The following DNAJC21 variants were observed in gnomAD, a reference collection of about 807,000 sequenced individuals.
DNAJC21 encodes the protein DnaJ heat shock protein family (Hsp40) member C21, also known as dnaJ homolog subfamily C member 21.
Under a neutral mutation model 72.4 loss-of-function variants are expected in DNAJC21, and 63 were observed. That is an observed-to-expected ratio of 0.87 (90% CI 0.71 to 1.07). DNAJC21 has a LOEUF of 1.07. Among genes scored for constraint, DNAJC21 ranks in the 50% least tolerant of loss-of-function variants. The probability of loss-of-function intolerance (pLI) is 0.00; values close to 1 mark genes in which losing one functional copy is unlikely to be tolerated. For synonymous variants in DNAJC21, 203 were observed against 216.7 expected, an observed-to-expected ratio of 0.94 and a Z score of 0.56; for missense variants, 634 against 644.8, an observed-to-expected ratio of 0.98 and a Z score of 0.18.
chr5:34,930,813 G>C (rs750625972), intron 1 of DNAJC21, among the ~76,000 whole-genome samples: 14 of 152,158 alleles, frequency 9.2e-5, no homozygotes, highest in Non-Finnish European at 1.8e-4. Context: ...TTAGAGTCTT[G>C]TTAGGAAAAC....
intron 6 of DNAJC21, 114 bp downstream of exon 6, chr5:34,939,123 T>G: frequency 1.0e-6 from 1 of 994,830 alleles, no homozygotes; most frequent in Non-Finnish European, 1.4e-6. Flanking sequence ...AAAAATAATG[T>G]TGTATGGGCC....
At chr5:34,944,686 G>C (rs988506830) in intron 7 of DNAJC21, among the ~76,000 whole-genome samples, 181 bp from the exon 8 acceptor site, 2 of 151,820 alleles carry the variant, frequency 1.3e-5, no homozygotes, top group African/African-American at 4.8e-5. Flanking sequence ...ATCCTGACAC[G>C]TTCTGTTTCT....
chr5:34,930,724 A>G (rs1764562776), intron 1 of DNAJC21, among the ~76,000 whole-genome samples: 2 of 152,208 alleles, frequency 1.3e-5, no homozygotes, highest in African/African-American at 4.8e-5. Context: ...ATTCATCAGT[A>G]AACACGGTTA....
chr5:34,932,376 G>A (rs1376408539), intron 1 of DNAJC21, among the ~76,000 whole-genome samples: 2 of 148,566 alleles, frequency 1.3e-5, no homozygotes, highest in Non-Finnish European at 3.0e-5. Context: ...AGCCAAGATC[G>A]CGCCACTGCA....
At position 34,945,807 on chromosome 5, in the gene DNAJC21, T is replaced by C; in HGVS notation, c.1185+4T>C. 1 of 1,577,872 alleles carries C rather than the reference T, an allele frequency of 6.3e-7. No homozygotes were observed. Among genetic ancestry groups the C allele is most frequent in the South Asian group, 1.2e-5 (1 of 84,608 alleles). ...AAAGAAACAGAAACCAGCACAGGTA[T>C]GTTAGAAAGGTTTTGTTAACATTAA... is the stretch of plus-strand genomic sequence containing the variant. On this transcript the variant is annotated splice_donor_region_variant and intron_variant, in intron 9 of 11. Coordinates refer to ENST00000648817, the MANE Select transcript of DNAJC21 (RefSeq NM_001012339.3).
chr5:34,937,471 C>G lies in DNAJC21; in HGVS notation c.584C>G (p.Ala195Gly). The G allele has an allele frequency of 6.2e-7, 1 of 1,614,064 alleles. No individual in the cohort carries two copies. Among genetic ancestry groups the G allele is most frequent in the South Asian group, 1.1e-5 (1 of 91,084 alleles). Residue 195 changes from alanine to glycine, a missense_variant, in exon 5 of 12, where the codon GCA becomes GGA. Coordinates refer to ENST00000648817, the MANE Select transcript of DNAJC21 (RefSeq NM_001012339.3). ...EKENKKIRDK[A>G]RKEKNELVRQ... ...GAAAACAAAAAGATTCGGGACAAAG[C>G]AAGGAAAGAGAAGAATGAGCTTGTC... is the stretch of plus-strand genomic sequence containing the variant.
intron 1 of DNAJC21, 75 bp from the exon 2 acceptor site, chr5:34,933,740 T>C: frequency 8.1e-7 from 1 of 1,242,226 alleles, no homozygotes; most frequent in Non-Finnish European, 1.1e-6. Flanking sequence ...TTTGTGGCAT[T>C]TCTGATGGAA....
chr5:34,951,094 T>C (rs931498271), intron 10 of DNAJC21: 89 of 985,380 alleles, frequency 9.0e-5, no homozygotes, highest in Non-Finnish European at 1.1e-4. Context: ...GGAGTGTGTG[T>C]ACTTCGGAGT....
intron 10 of DNAJC21, chr5:34,952,258 A>G (rs1580542429): frequency 1.0e-6 from 1 of 983,068 alleles, no homozygotes; most frequent in South Asian, 4.7e-5. Flanking sequence ...TTTGTTAGAC[A>G]TATTTCTGAC....
At chr5:34,950,604 A>C (rs551658565) in intron 10 of DNAJC21, 1 of 1,087,268 alleles carries the variant, frequency 9.2e-7, no homozygotes. Context: ...GTTCTTGTTT[A>C]CCTTATCCTG....
chr5:34,947,437 A>T (rs1373559370), intron 9 of DNAJC21, among the ~76,000 whole-genome samples: 1 of 152,178 alleles, frequency 6.6e-6, no homozygotes, highest in Non-Finnish European at 1.5e-5. Flanking sequence ...GAAATGTTGA[A>T]GTATCACGTA....
At chr5:34,931,275 C>T (rs1289715828) in intron 1 of DNAJC21, among the ~76,000 whole-genome samples, 1 of 152,138 alleles carries the variant, frequency 6.6e-6, no homozygotes, top group Non-Finnish European at 1.5e-5. Flanking sequence ...ATTAGAAGAG[C>T]AGAAGTAAAT....
chr5:34,935,664 TCTTA>T (rs752481118), intron 2 of DNAJC21, 42 bp from the exon 3 acceptor site: 122 of 1,608,266 alleles, frequency 7.6e-5, no homozygotes, highest in Non-Finnish European at 8.9e-5. Flanking sequence ...CCTTTTGAAT[TCTTA>T]CTTATTCAGC....
chr5:34,938,688 C>T (rs1230355387), intron 5 of DNAJC21, among the ~76,000 whole-genome samples, 170 bp from the exon 6 acceptor site: 1 of 152,168 alleles, frequency 6.6e-6, no homozygotes, highest in Non-Finnish European at 1.5e-5. Context: ...CAACAGGTAA[C>T]AGGTTTAAGT....
At position 34,941,116 on chromosome 5, in the gene DNAJC21, G is replaced by A. The variant is rs754428815; in HGVS notation, c.916G>A (p.Glu306Lys). The A allele has an allele frequency of 2.3e-5, 37 of 1,613,964 alleles. No homozygotes were observed. Among genetic ancestry groups the A allele is most frequent in the Admixed American group, 1.8e-4 (11 of 60,002 alleles). Residue 306 changes from glutamate (E) to lysine (K), a missense_variant, in exon 7 of 12, where the codon GAG (glutamate) becomes AAG (lysine). Coordinates refer to ENST00000648817, the MANE Select transcript of DNAJC21 (RefSeq NM_001012339.3). ...EEDGKDSDEA[E>K]DAELYDDLYC... ...CATAGGTAAAGACAGTGATGAGGCC[G>A]AGGACGCTGAGCTCTATGATGACCT...
chr5:34,935,934 A>G, intron 3 of DNAJC21, 101 bp downstream of exon 3: 1 of 1,522,574 alleles, frequency 6.6e-7, no homozygotes, highest in Non-Finnish European at 8.9e-7. Flanking sequence ...AAAGTGAAGC[A>G]GTGTTCATTT....
At chr5:34,933,330 G>A (rs1764662119) in intron 1 of DNAJC21, among the ~76,000 whole-genome samples, 1 of 152,100 alleles carries the variant, frequency 6.6e-6, no homozygotes, top group Non-Finnish European at 1.5e-5. Flanking sequence ...GGAGCACAGT[G>A]GTGCAATCTA....
At chr5:34,938,417 T>C (rs1447286333) in intron 5 of DNAJC21, among the ~76,000 whole-genome samples, 1 of 152,216 alleles carries the variant, frequency 6.6e-6, no homozygotes, top group East Asian at 1.9e-4. Flanking sequence ...TTGGTCAGTG[T>C]ACCCTGAGAT....
rs1346205228 is a variant in DNAJC21, at chr5:34,937,345, C to A, written c.458C>A (p.Ala153Asp). 1 of 1,612,594 alleles carries A rather than the reference C, an allele frequency of 6.2e-7. No individual in the cohort carries two copies. The highest frequency in any genetic ancestry group is 1.1e-5 in the South Asian group (1 of 90,794). The change falls in exon 5 of 12, where the codon GCT becomes GAT. Residue 153 changes from alanine (A) to aspartate (D), a missense_variant. By Grantham distance (126) the Ala-to-Asp change is moderately radical. Transcript: ENST00000648817. ...DYDTVVHPFY[A>D]YWQSFCTQKN... ...CACTAGGTAGTCCATCCTTTCTACG[C>A]TTATTGGCAGAGTTTCTGCACTCAA...
Sources: gnomAD v4.1 joint callset for allele counts (sites outside exome capture counted in the v4.1 genomes callset) on GRCh38, gnomAD v4.1.1 for gene constraint, MANE v1.5 for transcripts, NCBI Gene and HGNC (gene_info 2026-07-23, HGNC 2026-07-21) for gene names.